Variants in CTC1 observed in about 807,000 individuals in gnomAD.
CTC1 encodes CST complex subunit CTC1.
CTC1 carries 91 observed loss-of-function variants against 136.3 expected under a neutral mutation model. The ratio of observed to expected loss-of-function variants is 0.67; its 90% CI spans 0.56 to 0.79. The LOEUF (loss-of-function observed/expected upper bound fraction) is 0.79, where lower values mean the gene tolerates loss of function less well. Among genes scored for constraint, CTC1 ranks in the 30% least tolerant of loss-of-function variants. The pLI, the probability that CTC1 is intolerant of heterozygous loss-of-function variation, is 0.00. For missense variants in CTC1, 1,432 were observed against 1,498.1 expected (o/e 0.96, Z 0.73); for synonymous variants, 606 against 613.8 (o/e 0.99, Z 0.19).
In CTC1 at chr17:8,227,108, C is replaced by A. The variant is rs189822939; in HGVS notation, c.*1072G>T. The A allele has an allele frequency of 1.2e-4, 18 of 152,278 alleles. No individual in the cohort carries two copies. Among genetic ancestry groups the A allele is most frequent in the Non-Finnish European group, 2.5e-4 (17 of 68,030 alleles). The allele number at this position is 152,278 out of a possible 1,614,324, so 9.4% of individuals were successfully genotyped here. ...CTTCAAATCTTAATATAGGGTATTG[C>A]TACCATAAAAGCAGCATAAATCCCA... On this transcript the variant is annotated 3_prime_UTR_variant, in exon 23 of 23. Coordinates refer to ENST00000651323, the MANE Select transcript of CTC1 (RefSeq NM_025099.6).
intron 7 of CTC1, 179 bp from the exon 8 acceptor site, chr17:8,235,464 TC>T (rs1281501660): frequency 1.6e-6 from 1 of 609,252 alleles, no homozygotes; most frequent in Non-Finnish European, 2.9e-6. Context: ...AGCCTTCATC[TC>T]CCATGAGCTC....
intron 2 of CTC1, among the ~76,000 whole-genome samples, chr17:8,242,020 T>C (rs937787695): frequency 2.7e-5 from 4 of 147,162 alleles, no homozygotes; most frequent in East Asian, 1.9e-4. Context: ...ATCTCCAAGA[T>C]AGTGATTATT....
chr17:8,232,337 C>A (rs776559656), intron 12 of CTC1, 24 bp downstream of exon 12: 10 of 1,605,974 alleles, frequency 6.2e-6, no homozygotes, highest in African/African-American at 2.7e-5. Flanking sequence ...AGACTCAAGA[C>A]AACCATGACC....
chr17:8,237,402 A>T lies in CTC1; in HGVS notation c.765T>A (p.Ala255=), dbSNP rs1403662852. 1 of 1,614,090 alleles carries T rather than the reference A, an allele frequency of 6.2e-7. No homozygotes were observed. Among genetic ancestry groups the T allele is most frequent in the Admixed American group, 1.7e-5 (1 of 60,002 alleles). Residue 255 remains alanine, a synonymous_variant, in exon 5 of 23, where the codon GCT becomes GCA. Transcript: ENST00000651323. ...GCACGATGATGGACACGTGGGTGACAGCTGGGTGTGATCTACCAAGAGACA... is the reference window on the plus strand; with the variant it reads ...GCACGATGATGGACACGTGGGTGACTGCTGGGTGTGATCTACCAAGAGACA... The part of the protein sequence containing the change: ...FILSLGRSHP[A]VTHVSIIVQV...
chr17:8,242,542 AAAAAAAAAAAAATAT>A (rs1988327943), intron 2 of CTC1, among the ~76,000 whole-genome samples: 8 of 82,410 alleles, frequency 9.7e-5, no homozygotes, highest in Non-Finnish European at 2.3e-5. Flanking sequence ...AGAAAAAAAA[AAAAAAAAAAAAATAT>A]ATATATATAT....
In CTC1 at chr17:8,238,366, G is replaced by A. The variant is rs369295623; in HGVS notation, c.435+26C>T. 80 of 1,597,074 alleles carry A rather than the reference G, an allele frequency of 5.0e-5. No homozygotes were observed. The African/African-American group carries it at 7.8e-4, about 16-fold the overall frequency. ...GACACCATTCTTGTCAGGATCTGAGGCATCTGATCTCCACCTTCCACTCAC... is the reference window on the plus strand; with the variant it reads ...GACACCATTCTTGTCAGGATCTGAGACATCTGATCTCCACCTTCCACTCAC... On this transcript the variant is annotated intron_variant, in intron 3 of 22. Transcript: ENST00000651323.
intron 2 of CTC1, among the ~76,000 whole-genome samples, chr17:8,241,716 T>A (rs1465965233): frequency 6.6e-6 from 1 of 151,356 alleles, no homozygotes; most frequent in Admixed American, 6.6e-5. Context: ...TCGAGACCAG[T>A]GTGGCATGCA....
intron 1 of CTC1, 65 bp downstream of exon 1, chr17:8,247,939 G>T: frequency 1.3e-6 from 2 of 1,526,070 alleles, no homozygotes; most frequent in South Asian, 1.2e-5. Flanking sequence ...AGAGGAAATA[G>T]GAAGAGAAAG....
At chr17:8,233,148 T>C in intron 10 of CTC1, 116 bp from the exon 11 acceptor site, 1 of 1,181,788 alleles carries the variant, frequency 8.5e-7, no homozygotes, top group Admixed American at 2.7e-5. Context: ...AAAAGACACG[T>C]CTCTGGCTTC....
At chr17:8,240,308 C>A (rs574833943) in intron 2 of CTC1, among the ~76,000 whole-genome samples, 3 of 151,848 alleles carry the variant, frequency 2.0e-5, no homozygotes, top group Admixed American at 6.6e-5. Flanking sequence ...GCATGTGCCA[C>A]CATGCCTGGC....
chr17:8,229,837 G>T, intron 18 of CTC1, 54 bp downstream of exon 18: 1 of 1,407,728 alleles, frequency 7.1e-7, no homozygotes, highest in South Asian at 1.2e-5. Context: ...AGGGACATGT[G>T]GGAGATGCAG....
chr17:8,244,965 A>G (rs1432176690), intron 1 of CTC1, among the ~76,000 whole-genome samples: 1 of 152,242 alleles, frequency 6.6e-6, no homozygotes, highest in African/African-American at 2.4e-5. Context: ...CTACGCAGCC[A>G]TAAAAAAGAA....
In CTC1 at chr17:8,236,247, C is replaced by G. The variant is rs199553763; in HGVS notation, c.888G>C (p.Gln296His). 1 of 1,614,210 alleles carries G rather than the reference C, an allele frequency of 6.2e-7. No individual in the cohort carries two copies. Among genetic ancestry groups the G allele is most frequent in the Non-Finnish European group, 8.5e-7 (1 of 1,180,048 alleles). ...LRVSKIRGQR[Q>H]HVWMTSQSSR... Reference sequence around the variant, plus strand: ...AGGACTGACTGGTCATCCAAACATGCTGGCGCTGACCACGGATCTTGGACA... The same window carrying G: ...AGGACTGACTGGTCATCCAAACATGGTGGCGCTGACCACGGATCTTGGACA... The change falls in exon 6 of 23, where the codon CAG becomes CAC. Residue 296 changes from glutamine (Q) to histidine (H), a missense_variant. Physicochemically the swap from Gln to His is conservative, Grantham distance 24. Coordinates refer to ENST00000651323, the MANE Select transcript of CTC1 (RefSeq NM_025099.6).
chr17:8,235,937 T>G lies in CTC1; in HGVS notation c.1100A>C (p.Asn367Thr). The G allele has an allele frequency of 2.5e-6, 4 of 1,611,110 alleles. No homozygotes were observed. Among genetic ancestry groups the G allele is most frequent in the Non-Finnish European group, 3.4e-6 (4 of 1,177,640 alleles). The change falls in exon 7 of 23, where the codon AAT becomes ACT. Residue 367 changes from asparagine (N) to threonine (T), a missense_variant. Transcript: ENST00000651323. ...CAGCTCATAGAGGCCAGCGGGCTCATTCAACACGCCAGTGACTGCTCCCTG... is the reference window on the plus strand; with the variant it reads ...CAGCTCATAGAGGCCAGCGGGCTCAGTCAACACGCCAGTGACTGCTCCCTG... Reference protein sequence around the residue: ...SYSGAVTGVLNEPAGLYELDG... With the variant: ...SYSGAVTGVLTEPAGLYELDG...
At chr17:8,247,206 C>T (rs1988804509) in intron 1 of CTC1, among the ~76,000 whole-genome samples, 1 of 151,530 alleles carries the variant, frequency 6.6e-6, no homozygotes, top group South Asian at 2.1e-4. Flanking sequence ...TCTGACCCCT[C>T]CACCACCACC....
intron 11 of CTC1, 110 bp from the exon 12 acceptor site, chr17:8,232,585 C>T (rs1374734855): frequency 4.6e-6 from 4 of 861,232 alleles, no homozygotes; most frequent in Non-Finnish European, 7.4e-6. Flanking sequence ...AGCTGCTGCC[C>T]TCACATGACA....
chr17:8,232,911 A>T lies in CTC1; in HGVS notation c.1940T>A (p.Leu647Gln), dbSNP rs1342587450. ...KHSQPLSDPR[L>Q]IGCLVRAERF... ...TCCACATCTGAACTCCAAACCTATCAGCCGTGGGTCACTGAGGGGTTGAGA... is the reference window on the plus strand; with the variant it reads ...TCCACATCTGAACTCCAAACCTATCTGCCGTGGGTCACTGAGGGGTTGAGA... The change falls in exon 11 of 23, where the codon CTG (leucine) becomes CAG (glutamine). Residue 647 changes from leucine (L) to glutamine (Q), a missense_variant. Leu to Gln is a moderately radical substitution (Grantham distance 113). Coordinates refer to ENST00000651323, the MANE Select transcript of CTC1 (RefSeq NM_025099.6). 6.2e-7 allele frequency: 1 copy of T among 1,613,990 alleles called. No homozygotes were observed. Among genetic ancestry groups the T allele is most frequent in the African/African-American group, 1.3e-5 (1 of 75,026 alleles).
Position 8,247,819 on chromosome 17 carries a change from G to A in CTC1, c.33+185C>T, listed in dbSNP as rs1296073273. 6.4e-6 allele frequency: 4 copies of A among 625,304 alleles called. No individual in the cohort carries two copies. In the East Asian group the frequency reaches 1.1e-4, roughly 18 times the overall value. The allele number at this position is 625,304 out of a possible 1,614,324, so 38.7% of individuals were successfully genotyped here. On this transcript the variant is annotated intron_variant, in intron 1 of 22. Coordinates refer to ENST00000651323, the MANE Select transcript of CTC1 (RefSeq NM_025099.6). ...GTTTAAGGCTCACAGCGGGCGCCGC[G>A]TGAATGAGGGAATAAACATTCGCAG...
At chr17:8,237,252 C>G in intron 5 of CTC1, 123 bp downstream of exon 5, 3 of 1,112,484 alleles carry the variant, frequency 2.7e-6, no homozygotes, top group Non-Finnish European at 1.3e-6. Flanking sequence ...AGCGCTATTC[C>G]AGAAAACAGC....
Sources: gnomAD v4.1 joint callset for allele counts (sites outside exome capture counted in the v4.1 genomes callset) on GRCh38, gnomAD v4.1.1 for gene constraint, MANE v1.5 for transcripts, NCBI Gene and HGNC (gene_info 2026-07-23, HGNC 2026-07-21) for gene names.